The following ERC2 variants were observed in gnomAD, a reference collection of about 807,000 sequenced individuals.
ERC2 encodes ERC protein 2.
In ERC2, 42 loss-of-function variants were observed where a neutral mutation model predicts 114.8. The observed-to-expected ratio is 0.37, with a 90% CI of 0.29 to 0.47. ERC2 has a LOEUF of 0.47. Among genes scored for constraint, ERC2 ranks in the 20% least tolerant of loss-of-function variants. The probability of loss-of-function intolerance (pLI) is 0.99; values close to 1 mark genes in which losing one functional copy is unlikely to be tolerated. For missense variants in ERC2, 939 were observed against 1,150.7 expected (o/e 0.82, Z 2.66); for synonymous variants, 454 against 425.5 (o/e 1.07, Z -0.82).
intron 2 of ERC2, among the ~76,000 whole-genome samples, chr3:56,322,980 C>T (rs1423491690): frequency 3.3e-5 from 5 of 152,102 alleles, no homozygotes; most frequent in East Asian, 1.9e-4. Context: ...TTCCCACTCT[C>T]GCAGGACTAT....
At chr3:56,333,138 G>A (rs948330061) in intron 2 of ERC2, among the ~76,000 whole-genome samples, 8 of 152,140 alleles carry the variant, frequency 5.3e-5, no homozygotes, top group Admixed American at 1.3e-4. Flanking sequence ...TGTCAGAGAC[G>A]GTCCATTAAT....
intron 17 of ERC2, among the ~76,000 whole-genome samples, chr3:55,595,073 A>G (rs2058067887): frequency 6.6e-6 from 1 of 152,216 alleles, no homozygotes; most frequent in Admixed American, 6.5e-5. Flanking sequence ...CTTCATGTTC[A>G]TATCAACTCT....
chr3:55,683,110 G>T (rs2062139831), intron 17 of ERC2, among the ~76,000 whole-genome samples: 1 of 152,300 alleles, frequency 6.6e-6, no homozygotes, highest in Middle Eastern at 3.4e-3. Context: ...AATTTCTAAT[G>T]CAAAGCCTCA....
At chr3:56,415,423 G>T (rs188306554) in intron 2 of ERC2, among the ~76,000 whole-genome samples, 13 of 152,240 alleles carry the variant, frequency 8.5e-5, no homozygotes, top group Admixed American at 6.5e-4. Context: ...AATTTTATTT[G>T]TAATTGACTC....
At chr3:56,156,280 A>G (rs1319081343) in intron 4 of ERC2, among the ~76,000 whole-genome samples, 1 of 152,196 alleles carries the variant, frequency 6.6e-6, no homozygotes, top group Non-Finnish European at 1.5e-5. Flanking sequence ...TGAAGAGCCT[A>G]AAGACTAAGA....
At chr3:56,414,970 G>C (rs1271208309) in intron 2 of ERC2, among the ~76,000 whole-genome samples, 1 of 152,332 alleles carries the variant, frequency 6.6e-6, no homozygotes, top group South Asian at 2.1e-4. Context: ...TCCTACGTAA[G>C]GTAAGCAGCA....
chr3:55,598,205 T>A (rs969944224), intron 17 of ERC2, among the ~76,000 whole-genome samples: 1 of 152,268 alleles, frequency 6.6e-6, no homozygotes, highest in Non-Finnish European at 1.5e-5. Flanking sequence ...CTATTAAAAT[T>A]GACTCAAATT....
intron 3 of ERC2, among the ~76,000 whole-genome samples, chr3:56,238,379 C>G (rs771535434): frequency 6.6e-6 from 1 of 152,178 alleles, no homozygotes; most frequent in Non-Finnish European, 1.5e-5. Flanking sequence ...ACTTAGAACC[C>G]CTGGAAGGCC....
intron 7 of ERC2, among the ~76,000 whole-genome samples, chr3:56,049,068 A>T (rs553206750): frequency 1.3e-5 from 2 of 152,322 alleles, no homozygotes; most frequent in East Asian, 3.9e-4. Flanking sequence ...CAGGCAGTAC[A>T]GAGGAGGCCA....
intron 3 of ERC2, among the ~76,000 whole-genome samples, chr3:56,258,448 G>A (rs1441854702): frequency 2.0e-5 from 3 of 152,160 alleles, no homozygotes; most frequent in Non-Finnish European, 4.4e-5. Flanking sequence ...ACGAGGTCAG[G>A]AGATTGAGAC....
intron 5 of ERC2, among the ~76,000 whole-genome samples, chr3:56,142,856 T>C (rs1414281458): frequency 1.3e-5 from 2 of 151,956 alleles, no homozygotes; most frequent in Non-Finnish European, 2.9e-5. Flanking sequence ...TTTGGAACTT[T>C]ATCTGAAAAA....
At chr3:56,447,991 C>A (rs547498734) in intron 1 of ERC2, among the ~76,000 whole-genome samples, 7 of 152,266 alleles carry the variant, frequency 4.6e-5, no homozygotes, top group Middle Eastern at 3.4e-3. Context: ...GATCCACCCG[C>A]CTCGGCCTCC....
At chr3:55,513,863 G>C (rs985771557) in intron 17 of ERC2, among the ~76,000 whole-genome samples, 2 of 151,828 alleles carry the variant, frequency 1.3e-5, no homozygotes, top group African/African-American at 4.8e-5. Flanking sequence ...TCAAACTCTT[G>C]GGCTCAAGTG....
chr3:56,184,282 T>G (rs1037540072), intron 3 of ERC2, among the ~76,000 whole-genome samples: 1 of 152,342 alleles, frequency 6.6e-6, no homozygotes, highest in South Asian at 2.1e-4. Flanking sequence ...AATTTAGTTA[T>G]GTAGTTCAAT....
At chr3:55,866,896 A>C (rs1044549204) in intron 14 of ERC2, among the ~76,000 whole-genome samples, 58 of 152,182 alleles carry the variant, frequency 3.8e-4, no homozygotes, top group African/African-American at 1.3e-3. Context: ...ATTCCCCCAA[A>C]ATTGATTTTA....
At chr3:56,262,615 T>A (rs573057997) in intron 3 of ERC2, among the ~76,000 whole-genome samples, 1 of 152,346 alleles carries the variant, frequency 6.6e-6, no homozygotes, top group Non-Finnish European at 1.5e-5. Flanking sequence ...AAAACTGATA[T>A]TTGAGTTTCA....
At chr3:56,230,507 G>C (rs914009127) in intron 3 of ERC2, among the ~76,000 whole-genome samples, 3 of 152,128 alleles carry the variant, frequency 2.0e-5, no homozygotes, top group Admixed American at 2.0e-4. Context: ...CACTCTTCTT[G>C]TCTCAGCCTA....
chr3:55,988,030 G>A (rs2070767392), intron 11 of ERC2, among the ~76,000 whole-genome samples: 1 of 152,166 alleles, frequency 6.6e-6, no homozygotes, highest in Non-Finnish European at 1.5e-5. Context: ...TGGGCGGGAT[G>A]TGAGAAATAT....
At chr3:56,217,650 T>C (rs1403705123) in intron 3 of ERC2, among the ~76,000 whole-genome samples, 2 of 152,122 alleles carry the variant, frequency 1.3e-5, no homozygotes, top group Non-Finnish European at 2.9e-5. Flanking sequence ...TTAAAGTTCA[T>C]ATGGAACAAA....
Sources: allele counts gnomAD v4.1 joint callset (sites outside exome capture counted in the v4.1 genomes callset), GRCh38; gene constraint gnomAD v4.1.1; transcripts MANE v1.5; gene names NCBI Gene and HGNC (gene_info 2026-07-23, HGNC 2026-07-21).